Variants in PRKG1 observed in about 807,000 individuals in gnomAD.
PRKG1 encodes protein kinase cGMP-dependent 1, also known as cGMP-dependent protein kinase 1.
Under a neutral mutation model 88.1 loss-of-function variants are expected in PRKG1, and 35 were observed. The ratio of observed to expected loss-of-function variants is 0.40; its 90% CI spans 0.30 to 0.53. The LOEUF is 0.53. PRKG1 is among the 20% of genes least tolerant of loss of function. PRKG1 has a pLI of 0.59. For synonymous variants in PRKG1, 303 were observed against 292.5 expected (o/e 1.04, Z -0.37); for missense variants, 540 against 839.8 (o/e 0.64, Z 4.41).
rs141539456 is a variant in PRKG1 at position 51,167,833 on chromosome 10, G to C, written c.478+14503G>C. Reference sequence around the variant, plus strand: ...TTTGAGAGTACAAGACAAGATTTCTGTTCTGACGGTAGATATACATTCAGA... The same window carrying C: ...TTTGAGAGTACAAGACAAGATTTCTCTTCTGACGGTAGATATACATTCAGA... On this transcript the variant is annotated intron_variant, in intron 2 of 17. Coordinates refer to ENST00000373980, the MANE Select transcript of PRKG1 (RefSeq NM_006258.4). Among the ~76,000 whole-genome samples the C allele has an allele frequency of 1.5e-3, 234 of 152,234 alleles. 2 individuals carry two copies. Among genetic ancestry groups the C allele is most frequent in the African/African-American group, 5.3e-3 (219 of 41,570 alleles).
In PRKG1 at chr10:51,965,898, A is replaced by G. The variant is rs1236186404; in HGVS notation, c.762+58328A>G. ...TCAAAATTAGAAACCTTAAAATGTA[A>G]TTTTGAAGATTGCAGTCAGTTCTGT... On this transcript the variant is annotated intron_variant, in intron 5 of 17. Coordinates refer to ENST00000373980, the MANE Select transcript of PRKG1 (RefSeq NM_006258.4). Among the ~76,000 whole-genome samples, 4 of 152,160 alleles carry G rather than the reference A, an allele frequency of 2.6e-5. No individual in the cohort carries two copies. The East Asian group carries it at 7.7e-4, about 29-fold the overall frequency.
intron 3 of PRKG1, among the ~76,000 whole-genome samples, chr10:51,739,713 CT>C (rs968928715): frequency 2.6e-5 from 4 of 152,068 alleles, no homozygotes; most frequent in African/African-American, 9.7e-5. Flanking sequence ...TGGCTCATGG[CT>C]GTAATCACAG....
intron 2 of PRKG1, among the ~76,000 whole-genome samples, chr10:51,438,307 T>G (rs1200426487): frequency 6.6e-6 from 1 of 151,974 alleles, no homozygotes; most frequent in Non-Finnish European, 1.5e-5. Context: ...AAACCAATAT[T>G]GATACATTAT....
intron 1 of PRKG1, among the ~76,000 whole-genome samples, chr10:51,025,344 A>C (rs1374253197): frequency 2.6e-5 from 4 of 152,142 alleles, no homozygotes; most frequent in Non-Finnish European, 4.4e-5. Flanking sequence ...TCCTGTACTC[A>C]ATCACTGCTT....
chr10:52,185,790 G>A (rs1839185210), intron 9 of PRKG1, among the ~76,000 whole-genome samples: 1 of 152,196 alleles, frequency 6.6e-6, no homozygotes. Context: ...AGCCACCAGG[G>A]ATTATGGTGG....
At chr10:52,137,040 T>C (rs1399021876) in intron 8 of PRKG1, among the ~76,000 whole-genome samples, 1 of 152,122 alleles carries the variant, frequency 6.6e-6, no homozygotes, top group Non-Finnish European at 1.5e-5. Flanking sequence ...GCTGCTGATA[T>C]CTAATTTATG....
chr10:52,271,515 C>T (rs554919551), intron 11 of PRKG1, 26 bp downstream of exon 11: 21 of 1,603,378 alleles, frequency 1.3e-5, no homozygotes, highest in South Asian at 5.5e-5. Flanking sequence ...CAGGGACAGA[C>T]GTACCCAACT....
intron 4 of PRKG1, among the ~76,000 whole-genome samples, chr10:51,859,072 G>A (rs1431417601): frequency 1.3e-5 from 2 of 152,158 alleles, no homozygotes; most frequent in Admixed American, 6.5e-5. Flanking sequence ...GAGGCCCAGA[G>A]GAAAGGAATA....
At chr10:51,798,883 T>C (rs959239702) in intron 3 of PRKG1, among the ~76,000 whole-genome samples, 2 of 152,122 alleles carry the variant, frequency 1.3e-5, no homozygotes, top group Non-Finnish European at 2.9e-5. Context: ...TTGAATAATA[T>C]GAATGCAGCA....
chr10:51,552,331 A>G (rs1837160451), intron 3 of PRKG1, among the ~76,000 whole-genome samples: 1 of 151,658 alleles, frequency 6.6e-6, no homozygotes, highest in Non-Finnish European at 1.5e-5. Context: ...AGTATAAAGG[A>G]TATTCCAAAC....
intron 3 of PRKG1, among the ~76,000 whole-genome samples, chr10:51,621,007 G>GTATATATATATATATAATA (rs370817382): frequency 8.2e-6 from 1 of 122,160 alleles, no homozygotes; most frequent in Non-Finnish European, 1.7e-5. Context: ...GTGTATATGT[G>GTATATATATATATATAATA]TGTATATATA....
chr10:51,259,700 T>G (rs901595308), intron 2 of PRKG1, among the ~76,000 whole-genome samples: 1 of 152,178 alleles, frequency 6.6e-6, no homozygotes, highest in Non-Finnish European at 1.5e-5. Context: ...GGTCTCGAAC[T>G]CCTAACCTCA....
intron 1 of PRKG1, among the ~76,000 whole-genome samples, chr10:50,998,593 C>T (rs1842857744): frequency 1.3e-5 from 2 of 151,922 alleles, no homozygotes; most frequent in Non-Finnish European, 2.9e-5. Context: ...ACTAAAAATA[C>T]AAAAATTAGC....
chr10:51,081,031 A>G (rs573355948), intron 1 of PRKG1, among the ~76,000 whole-genome samples: 1 of 152,264 alleles, frequency 6.6e-6, no homozygotes, highest in South Asian at 2.1e-4. Flanking sequence ...CTAATAGTAC[A>G]CTCTCAAAAC....
At chr10:51,168,165 C>T (rs1846599530) in intron 2 of PRKG1, among the ~76,000 whole-genome samples, 1 of 152,098 alleles carries the variant, frequency 6.6e-6, no homozygotes, top group Non-Finnish European at 1.5e-5. Flanking sequence ...TTTAGGGGAT[C>T]CTTGAGGTCA....
intron 2 of PRKG1, among the ~76,000 whole-genome samples, chr10:51,428,878 A>G (rs1838674698): frequency 6.6e-6 from 1 of 152,202 alleles, no homozygotes; most frequent in Non-Finnish European, 1.5e-5. Flanking sequence ...CAGTAGATTC[A>G]CCAAAAATTA....
At chr10:51,128,755 T>G (rs1845493338) in intron 1 of PRKG1, among the ~76,000 whole-genome samples, 2 of 152,194 alleles carry the variant, frequency 1.3e-5, no homozygotes, top group African/African-American at 4.8e-5. Flanking sequence ...TACTTGGTAA[T>G]TAGAAGTTAG....
intron 3 of PRKG1, among the ~76,000 whole-genome samples, chr10:51,781,778 A>T: frequency 6.6e-6 from 1 of 152,130 alleles, no homozygotes; most frequent in Non-Finnish European, 1.5e-5. Context: ...TCCTTGAGAA[A>T]TCCAGAGGGA....
At chr10:52,139,606 C>T (rs753950259) in intron 8 of PRKG1, among the ~76,000 whole-genome samples, 3 of 152,068 alleles carry the variant, frequency 2.0e-5, no homozygotes, top group Non-Finnish European at 4.4e-5. Context: ...GCCATTGGAA[C>T]CCAGAGTGCC....
Sources: allele counts gnomAD v4.1 joint callset (sites outside exome capture counted in the v4.1 genomes callset), GRCh38; gene constraint gnomAD v4.1.1; transcripts MANE v1.5; gene names NCBI Gene and HGNC (gene_info 2026-07-23, HGNC 2026-07-21).